RGS17: variants seen among roughly 807,000 people sequenced by gnomAD.
RGS17 encodes the protein regulator of G-protein signaling 17.
In RGS17, 12 loss-of-function variants were observed where a neutral mutation model predicts 25.5. The observed-to-expected ratio is 0.47, with a 90% confidence interval of 0.30 to 0.76. RGS17 has a LOEUF of 0.76. RGS17 is among the 30% of genes least tolerant of loss of function. RGS17 has a pLI of 0.07. For synonymous variants in RGS17, 71 were observed against 76.9 expected, an observed-to-expected ratio of 0.92 and a Z score of 0.40; for missense variants, 196 against 242.2, an observed-to-expected ratio of 0.81 and a Z score of 1.27.
intron 2 of RGS17, among the ~76,000 whole-genome samples, chr6:153,033,948 T>C (rs964933260): frequency 1.1e-4 from 17 of 152,270 alleles, no homozygotes; most frequent in African/African-American, 4.1e-4. Flanking sequence ...GGAGCAATAA[T>C]AGTGTGACTG....
intron 1 of RGS17, among the ~76,000 whole-genome samples, chr6:153,046,752 T>A (rs566342215): frequency 6.6e-6 from 1 of 151,892 alleles, no homozygotes; most frequent in Non-Finnish European, 1.5e-5. Context: ...AAGGCCCCAA[T>A]ATATACCCAA....
intron 1 of RGS17, among the ~76,000 whole-genome samples, chr6:153,093,973 T>C (rs550648730): frequency 4.4e-4 from 67 of 152,270 alleles, no homozygotes; most frequent in African/African-American, 1.5e-3. Context: ...TGTCACAATG[T>C]ATATGAAAGT....
intron 1 of RGS17, among the ~76,000 whole-genome samples, chr6:153,129,022 G>A (rs1276619921): frequency 6.6e-6 from 1 of 152,088 alleles, no homozygotes; most frequent in African/African-American, 2.4e-5. Flanking sequence ...TTTCTTAATC[G>A]TTCAGACTAA....
At chr6:153,045,683 C>T (rs144862094) in intron 1 of RGS17, among the ~76,000 whole-genome samples, 392 of 152,306 alleles carry the variant, frequency 2.6e-3, no homozygotes, top group Non-Finnish European at 5.1e-3. Flanking sequence ...CACCAGAAAA[C>T]AGACAACCAA....
intron 1 of RGS17, among the ~76,000 whole-genome samples, chr6:153,086,323 T>G (rs573396278): frequency 4.6e-5 from 7 of 152,298 alleles, no homozygotes; most frequent in African/African-American, 1.7e-4. Flanking sequence ...ATTCTAAGTA[T>G]GAAAAAAATT....
At chr6:153,075,840 AC>A (rs1388004410) in intron 1 of RGS17, among the ~76,000 whole-genome samples, 1 of 152,220 alleles carries the variant, frequency 6.6e-6, no homozygotes, top group Admixed American at 6.5e-5. Context: ...GTGTGTGTAT[AC>A]ACATACATAC....
At chr6:153,020,236 C>T (rs1277731847) in intron 4 of RGS17, among the ~76,000 whole-genome samples, 1 of 145,572 alleles carries the variant, frequency 6.9e-6, no homozygotes, top group Non-Finnish European at 1.5e-5. Context: ...TCACTGCAAC[C>T]TCCGCCTCCC....
chr6:153,088,316 C>T (rs1160060361), intron 1 of RGS17, among the ~76,000 whole-genome samples: 1 of 152,090 alleles, frequency 6.6e-6, no homozygotes, highest in East Asian at 1.9e-4. Context: ...ATTGGTTTTG[C>T]TCCTAAATTT....
intron 1 of RGS17, among the ~76,000 whole-genome samples, chr6:153,094,375 G>C (rs1196023599): frequency 6.6e-6 from 1 of 152,120 alleles, no homozygotes; most frequent in Non-Finnish European, 1.5e-5. Context: ...ATTGTGCTCA[G>C]TGGCCTACTG....
intron 4 of RGS17, among the ~76,000 whole-genome samples, chr6:153,022,717 A>T (rs2129106770): frequency 6.6e-6 from 1 of 152,350 alleles, no homozygotes; most frequent in African/African-American, 2.4e-5. Flanking sequence ...CTTTAAAATA[A>T]TAAAAATTAG....
intron 1 of RGS17, among the ~76,000 whole-genome samples, chr6:153,087,776 A>C (rs766565583): frequency 2.0e-5 from 3 of 152,176 alleles, no homozygotes; most frequent in Non-Finnish European, 4.4e-5. Flanking sequence ...GAAACTACCC[A>C]AGAAGCCTTC....
chr6:153,058,831 C>A (rs553055311), intron 1 of RGS17, among the ~76,000 whole-genome samples: 33 of 152,154 alleles, frequency 2.2e-4, no homozygotes, highest in African/African-American at 8.0e-4. Flanking sequence ...AGTTCATGAC[C>A]CATTTACCTA....
At chr6:153,032,253 GT>G (rs1776159638) in intron 2 of RGS17, among the ~76,000 whole-genome samples, 1 of 152,110 alleles carries the variant, frequency 6.6e-6, no homozygotes, top group Non-Finnish European at 1.5e-5. Flanking sequence ...ATAGAGTATG[GT>G]TTTGAGTGGG....
chr6:153,075,203 C>T (rs773728954), intron 1 of RGS17, among the ~76,000 whole-genome samples: 2 of 152,114 alleles, frequency 1.3e-5, no homozygotes, highest in Non-Finnish European at 2.9e-5. Context: ...CAACATTAAT[C>T]CTAGCAACTT....
chr6:153,098,308 G>C (rs1431187248), intron 1 of RGS17, among the ~76,000 whole-genome samples: 1 of 152,078 alleles, frequency 6.6e-6, no homozygotes, highest in African/African-American at 2.4e-5. Context: ...ACATTTCCAT[G>C]ATGACCAACT....
intron 4 of RGS17, among the ~76,000 whole-genome samples, chr6:153,018,087 G>T (rs758479835): frequency 1.3e-5 from 2 of 151,984 alleles, no homozygotes; most frequent in Admixed American, 6.6e-5. Flanking sequence ...TTAGAACAAA[G>T]ATTATTGGTA....
At chr6:153,035,955 T>C (rs1776233877) in intron 2 of RGS17, among the ~76,000 whole-genome samples, 1 of 152,216 alleles carries the variant, frequency 6.6e-6, no homozygotes, top group African/African-American at 2.4e-5. Context: ...AATCACAAAA[T>C]GTTTTATGAT....
intron 1 of RGS17, among the ~76,000 whole-genome samples, chr6:153,070,857 T>C (rs1776786251): frequency 1.3e-5 from 2 of 150,164 alleles, no homozygotes; most frequent in Non-Finnish European, 3.0e-5. Context: ...ACACAATACA[T>C]ATATAACATG....
intron 4 of RGS17, 47 bp from the exon 5 acceptor site, chr6:153,011,809 A>C: frequency 1.5e-6 from 2 of 1,372,466 alleles, no homozygotes; most frequent in South Asian, 2.7e-5. Flanking sequence ...TTTTTTCAAA[A>C]GACCTCAATT....
Sources: gnomAD v4.1 joint callset for allele counts (sites outside exome capture counted in the v4.1 genomes callset) on GRCh38, gnomAD v4.1.1 for gene constraint, MANE v1.5 for transcripts, NCBI Gene and HGNC (gene_info 2026-07-23, HGNC 2026-07-21) for gene names.